PLEKHH2: variants seen among roughly 807,000 people sequenced by gnomAD.
PLEKHH2 encodes the protein pleckstrin homology, MyTH4 and FERM domain containing H2, also known as pleckstrin homology domain-containing family H member 2.
PLEKHH2 carries 129 observed loss-of-function variants against 187.9 expected under a neutral mutation model. That is an observed-to-expected ratio of 0.69 (90% CI 0.59 to 0.79). The LOEUF is 0.79. Among genes scored for constraint, PLEKHH2 ranks in the 30% least tolerant of loss-of-function variants. PLEKHH2 has a pLI of 0.00. For synonymous variants in PLEKHH2, 686 were observed against 605.6 expected, an observed-to-expected ratio of 1.13 and a Z score of -1.95; for missense variants, 2,076 against 1,751.2, an observed-to-expected ratio of 1.19 and a Z score of -3.31.
intron 2 of PLEKHH2, chr2:43,676,019 C>T (rs984291290): frequency 5.0e-6 from 8 of 1,613,886 alleles, no homozygotes; most frequent in Admixed American, 3.3e-5. Context: ...TTTTTAGTAT[C>T]GTAGAGCTCT....
rs1008315721 is a variant in PLEKHH2 at position 43,692,461 on chromosome 2, C to G, written c.187-53C>G. On this transcript the variant is annotated intron_variant, in intron 3 of 29. Coordinates refer to ENST00000282406, the MANE Select transcript of PLEKHH2 (RefSeq NM_172069.4). Reference sequence around the variant, plus strand: ...TTAAGGTAAAATTCTAGGTTTAATACTGTGATAACCTGAGTACACACACAA... The same window carrying G: ...TTAAGGTAAAATTCTAGGTTTAATAGTGTGATAACCTGAGTACACACACAA... The G allele has an allele frequency of 1.1e-5, 15 of 1,410,290 alleles. No homozygotes were observed. In the South Asian group the frequency reaches 1.7e-4, roughly 16 times the overall value. 87.4% of individuals were successfully genotyped at this position (1,410,290 alleles called of 1,614,324 possible).
rs182541991 is a variant in PLEKHH2, at chr2:43,733,571, A to G, written c.2943+1969A>G. On this transcript the variant is annotated intron_variant, in intron 19 of 29. Transcript: ENST00000282406. ...AAGTTTCTCCCATCTCAAAAAATCT[A>G]TTTGTTTATTAGATAATATGGAATT... Among the ~76,000 whole-genome samples, 296 of 152,060 alleles carry G rather than the reference A, an allele frequency of 1.9e-3. 3 individuals carry two copies. The highest frequency in any genetic ancestry group is 0.017 in the Admixed American group (256 of 15,268).
At chr2:43,743,051 T>G in intron 22 of PLEKHH2, 133 bp downstream of exon 22, 1 of 635,264 alleles carries the variant, frequency 1.6e-6, no homozygotes, top group Non-Finnish European at 2.4e-6. Flanking sequence ...AGATTTACTA[T>G]CAGAACAGCT....
intron 16 of PLEKHH2, among the ~76,000 whole-genome samples, chr2:43,721,187 T>C (rs1248777009): frequency 2.0e-5 from 3 of 152,210 alleles, no homozygotes; most frequent in African/African-American, 7.2e-5. Flanking sequence ...GTTTATATTC[T>C]GTTTATTAAT....
chr2:43,753,904 A>C, intron 25 of PLEKHH2, 144 bp downstream of exon 25: 1 of 670,740 alleles, frequency 1.5e-6, no homozygotes. Flanking sequence ...AGGCACTATA[A>C]TTATAGTTTG....
chr2:43,739,235 C>T (rs1386488718), intron 20 of PLEKHH2, among the ~76,000 whole-genome samples: 1 of 151,982 alleles, frequency 6.6e-6, no homozygotes, highest in African/African-American at 2.4e-5. Flanking sequence ...CCTTTGAATT[C>T]ATTTTTAGAA....
Position 43,726,435 on chromosome 2 carries a change from G to A in PLEKHH2, c.2705G>A (p.Gly902Glu). The change falls in exon 17 of 30, where the codon GGA becomes GAA. Residue 902 changes from glycine to glutamate, a missense_variant. Physicochemically the swap from Gly to Glu is moderately conservative, Grantham distance 98. Transcript: ENST00000282406. The stretch of plus-strand genomic sequence containing the variant: ...CAAGGTCCAACTTACCTCCTAATTG[G>A]ATCCAAGCATGAAAAGGTATTCAAA... ...KDQGPTYLLI[G>E]SKHEKDTWLY... 6.2e-7 allele frequency: 1 copy of A among 1,607,280 alleles called. No individual in the cohort carries two copies. The highest frequency in any genetic ancestry group is 2.2e-5 in the East Asian group (1 of 44,816).
At chr2:43,720,991 C>G (rs1052554862) in intron 16 of PLEKHH2, among the ~76,000 whole-genome samples, 2 of 152,144 alleles carry the variant, frequency 1.3e-5, no homozygotes, top group Non-Finnish European at 2.9e-5. Context: ...AGACCTAGAA[C>G]AGTCTTCTTC....
intron 10 of PLEKHH2, 54 bp from the exon 11 acceptor site, chr2:43,707,347 G>C (rs1160654142): frequency 1.3e-6 from 2 of 1,598,158 alleles, no homozygotes; most frequent in East Asian, 4.5e-5. Context: ...CCTTTTCTTG[G>C]ATGAGTGGTA....
At chr2:43,738,566 T>C (rs28646121) in intron 20 of PLEKHH2, 46 bp downstream of exon 20, 313,117 of 1,495,312 alleles carry the variant, frequency 0.21, 34,567 homozygotes, top group Admixed American at 0.35. Context: ...AAAGTGTTTT[T>C]TTTTCTGATT....
At position 43,765,451 on chromosome 2, in the gene PLEKHH2, C is replaced by CA. The variant is rs747267152; in HGVS notation, c.4337dup (p.Asn1446LysfsTer107). The CA allele has an allele frequency of 2.0e-5, 33 of 1,614,040 alleles. No individual in the cohort carries two copies. The highest frequency in any genetic ancestry group is 2.5e-5 in the Non-Finnish European group (29 of 1,180,010). On this transcript the variant is annotated frameshift_variant, in exon 30 of 30. Coordinates refer to ENST00000282406, the MANE Select transcript of PLEKHH2 (RefSeq NM_172069.4). LOFTEE classifies it high-confidence loss of function. ...CTCTTTTGATCGCCAGTTACATAAA[C>CA]AACTTCCATCAGCAAAAGGCAGCAT... is the stretch of plus-strand genomic sequence containing the variant.
At chr2:43,728,578 T>A (rs374785900) in intron 17 of PLEKHH2, among the ~76,000 whole-genome samples, 6,658 of 41,270 alleles carry the variant, frequency 0.16, 397 homozygotes, top group African/African-American at 0.4. Flanking sequence ...TTTTTTTTTT[T>A]TAAAACAGAG....
At chr2:43,694,575 A>G in intron 5 of PLEKHH2, 61 bp downstream of exon 5, 5 of 1,458,556 alleles carry the variant, frequency 3.4e-6, no homozygotes, top group South Asian at 1.4e-5. Flanking sequence ...TTGATACATC[A>G]TCAGAATATG....
chr2:43,719,501 G>A (rs983600527), intron 15 of PLEKHH2, among the ~76,000 whole-genome samples: 4 of 152,170 alleles, frequency 2.6e-5, no homozygotes, highest in African/African-American at 9.7e-5. Flanking sequence ...GTACAGTGGT[G>A]TGATCTCTGC....
chr2:43,699,636 TC>T lies in PLEKHH2; in HGVS notation c.689-9del. ...AAAGGCAGCATGCTGATATGATGTA[TC>T]CTTTTCTAGAAATGGAAATTCCAGA... On this transcript the variant is annotated splice_polypyrimidine_tract_variant and intron_variant, in intron 7 of 29. Transcript: ENST00000282406. 1 of 1,608,552 alleles carries T rather than the reference TC, an allele frequency of 6.2e-7. No individual in the cohort carries two copies. The highest frequency in any genetic ancestry group is 1.3e-5 in the African/African-American group (1 of 74,570).
At chr2:43,667,223 C>G (rs1424116652) in intron 2 of PLEKHH2, among the ~76,000 whole-genome samples, 1 of 152,176 alleles carries the variant, frequency 6.6e-6, no homozygotes, top group African/African-American at 2.4e-5. Context: ...TCTCTCCTCT[C>G]TCCTTTTAAT....
At chr2:43,712,488 T>C in intron 15 of PLEKHH2, 105 bp downstream of exon 15, 11 of 1,321,674 alleles carry the variant, frequency 8.3e-6, no homozygotes, top group Non-Finnish European at 1.1e-5. Flanking sequence ...AATATTGATA[T>C]GATCTTGGGG....
intron 15 of PLEKHH2, among the ~76,000 whole-genome samples, chr2:43,718,573 A>G (rs1670325775): frequency 6.6e-6 from 1 of 152,178 alleles, no homozygotes; most frequent in Non-Finnish European, 1.5e-5. Context: ...AGATTTATGT[A>G]TAAAGATAGA....
rs1193026096 is a variant in PLEKHH2, at chr2:43,706,393, C to G, written c.1798C>G (p.Pro600Ala). ...TSLIYKNMTT[P>A]VYTTLKGKAT... is the part of the protein sequence containing the mutation. Reference sequence around the variant, plus strand: ...TCTGATATACAAGAACATGACCACCCCAGTGTATACAACTTTGAAGGGGGT... The same window carrying G: ...TCTGATATACAAGAACATGACCACCGCAGTGTATACAACTTTGAAGGGGGT... Residue 600 changes from proline to alanine, a missense_variant, in exon 10 of 30, where the codon CCA becomes GCA. Physicochemically the swap from Pro to Ala is conservative, Grantham distance 27 (BLOSUM62 -1). Coordinates refer to ENST00000282406, the MANE Select transcript of PLEKHH2 (RefSeq NM_172069.4). 2 of 1,598,208 alleles carry G rather than the reference C, an allele frequency of 1.3e-6. No individual in the cohort carries two copies. The highest frequency in any genetic ancestry group is 1.7e-6 in the Non-Finnish European group (2 of 1,165,886).
Sources: allele counts gnomAD v4.1 joint callset (sites outside exome capture counted in the v4.1 genomes callset), GRCh38; gene constraint gnomAD v4.1.1; transcripts MANE v1.5; gene names NCBI Gene and HGNC (gene_info 2026-07-23, HGNC 2026-07-21).